The following RAD51B variants were observed in gnomAD, a reference collection of about 807,000 sequenced individuals.
RAD51B encodes DNA repair protein RAD51 homolog 2.
A neutral mutation model predicts 42.2 loss-of-function variants in RAD51B; 38 were observed. The observed-to-expected ratio is 0.90, with a 90% CI of 0.70 to 1.18. The LOEUF (loss-of-function observed/expected upper bound fraction) is 1.18. Ranked by LOEUF, RAD51B falls within the 50% of genes most tolerant of loss-of-function variation. The pLI is 0.00. For missense variants in RAD51B, 373 were observed against 400.7 expected (o/e 0.93, Z 0.59); for synonymous variants, 154 against 145.2 (o/e 1.06, Z -0.43).
chr14:68,448,454 A>G (rs2085474350), intron 9 of RAD51B, among the ~76,000 whole-genome samples: 1 of 152,176 alleles, frequency 6.6e-6, no homozygotes, highest in African/African-American at 2.4e-5. Flanking sequence ...AACCTGGGCC[A>G]TTTAGCTTCT....
chr14:68,560,276 A>T (rs1014082195), intron 10 of RAD51B, among the ~76,000 whole-genome samples: 2 of 152,142 alleles, frequency 1.3e-5, no homozygotes, highest in Non-Finnish European at 2.9e-5. Flanking sequence ...GCGGAAAAAA[A>T]ATTCTTTTTC....
chr14:68,404,079 A>G (rs2084195972), intron 8 of RAD51B, among the ~76,000 whole-genome samples: 1 of 152,252 alleles, frequency 6.6e-6, no homozygotes, highest in Non-Finnish European at 1.5e-5. Context: ...GTGTGAGTAG[A>G]TTAGATTTGC....
At chr14:68,323,941 C>T (rs112158164) in intron 8 of RAD51B, among the ~76,000 whole-genome samples, 6 of 152,262 alleles carry the variant, frequency 3.9e-5, no homozygotes, top group African/African-American at 9.6e-5. Flanking sequence ...AAGAGCCCAG[C>T]GGACCTGTTG....
At chr14:68,087,649 G>A (rs1410501319) in intron 7 of RAD51B, among the ~76,000 whole-genome samples, 1 of 151,186 alleles carries the variant, frequency 6.6e-6, no homozygotes, top group Non-Finnish European at 1.5e-5. Context: ...ATCCTGTGAG[G>A]ATGTTACAGA....
chr14:68,007,990 AT>A (rs969112492), intron 7 of RAD51B, among the ~76,000 whole-genome samples: 13 of 151,698 alleles, frequency 8.6e-5, no homozygotes, highest in African/African-American at 2.2e-4. Flanking sequence ...TAAAAATATG[AT>A]TTTTTTTGTG....
intron 4 of RAD51B, among the ~76,000 whole-genome samples, chr14:67,858,609 G>A (rs1566927580): frequency 1.3e-5 from 2 of 152,228 alleles, no homozygotes; most frequent in African/African-American, 4.8e-5. Context: ...GAAAGGGTAG[G>A]TATACGTAAA....
At chr14:68,545,850 G>C (rs147438993) in intron 10 of RAD51B, among the ~76,000 whole-genome samples, 226 of 152,274 alleles carry the variant, frequency 1.5e-3, no homozygotes, top group African/African-American at 5.3e-3. Context: ...TAAGACTTTT[G>C]CTTGCCAATT....
intron 4 of RAD51B, among the ~76,000 whole-genome samples, chr14:67,846,313 G>A (rs571221857): frequency 3.9e-5 from 6 of 152,282 alleles, no homozygotes; most frequent in East Asian, 1.9e-4. Context: ...GGGGGGTGGC[G>A]TGTGGGTTGC....
At chr14:68,358,003 C>T (rs1048201084) in intron 8 of RAD51B, among the ~76,000 whole-genome samples, 2 of 152,004 alleles carry the variant, frequency 1.3e-5, no homozygotes, top group East Asian at 1.9e-4. Context: ...TCAATGTTGT[C>T]GTGTCTCAGG....
intron 9 of RAD51B, among the ~76,000 whole-genome samples, chr14:68,440,511 A>C (rs1026500194): frequency 1.3e-5 from 2 of 152,106 alleles, no homozygotes; most frequent in African/African-American, 4.8e-5. Flanking sequence ...CTGGGAGGCC[A>C]AGGCAGGTGG....
intron 8 of RAD51B, among the ~76,000 whole-genome samples, chr14:68,358,304 G>A (rs1409517585): frequency 6.6e-6 from 1 of 152,206 alleles, no homozygotes; most frequent in African/African-American, 2.4e-5. Context: ...TGCCACAAAC[G>A]TTCAATTTGT....
At chr14:67,973,635 A>G (rs2074937983) in intron 7 of RAD51B, among the ~76,000 whole-genome samples, 1 of 152,130 alleles carries the variant, frequency 6.6e-6, no homozygotes, top group Non-Finnish European at 1.5e-5. Flanking sequence ...ATTACATCTA[A>G]TTTGTGTTAT....
chr14:67,872,916 T>C (rs2042591732), intron 5 of RAD51B, among the ~76,000 whole-genome samples: 1 of 152,200 alleles, frequency 6.6e-6, no homozygotes, highest in African/African-American at 2.4e-5. Flanking sequence ...ATGCCTTCCT[T>C]ACACCTTATA....
chr14:68,119,551 G>A (rs1488423115), intron 7 of RAD51B, among the ~76,000 whole-genome samples: 2 of 138,296 alleles, frequency 1.4e-5, no homozygotes, highest in Non-Finnish European at 3.0e-5. Flanking sequence ...TCCCACCTAT[G>A]AGTGAGAATA....
intron 10 of RAD51B, among the ~76,000 whole-genome samples, chr14:68,626,920 T>A (rs8007479): frequency 0.21 from 31,245 of 152,086 alleles, 3,781 homozygotes; most frequent in African/African-American, 0.33. Flanking sequence ...CATGCCTTTG[T>A]TGAACCGAGA....
chr14:67,965,263 G>C (rs925708455), intron 7 of RAD51B, among the ~76,000 whole-genome samples: 25 of 152,024 alleles, frequency 1.6e-4, no homozygotes, highest in African/African-American at 6.0e-4. Flanking sequence ...ATGTTCCCTT[G>C]GTCTTCACAA....
chr14:68,594,601 T>G (rs1346591549), exon 11 of RAD51B: 2 of 1,291,648 alleles, frequency 1.5e-6, no homozygotes, highest in East Asian at 4.1e-5. Flanking sequence ...GCTAATTTTT[T>G]AATTTTTTGT....
intron 7 of RAD51B, among the ~76,000 whole-genome samples, chr14:67,993,134 A>G (rs1345728461): frequency 6.6e-6 from 1 of 152,150 alleles, no homozygotes; most frequent in Non-Finnish European, 1.5e-5. Flanking sequence ...AGTACATGAG[A>G]TATTTTGATA....
In RAD51B at chr14:67,959,150, C is replaced by T. The variant is rs2074607688; in HGVS notation, c.756+71946C>T. On this transcript the variant is annotated intron_variant, in intron 7 of 10. Coordinates refer to ENST00000471583, the MANE Select transcript of RAD51B (RefSeq NM_133510.4). ...ATTCTATAACCTATTGAGGTTTATA[C>T]ATATAAAATAATAATCACCTGCTAG... Among the ~76,000 whole-genome samples, 3 of 152,178 alleles carry T rather than the reference C, an allele frequency of 2.0e-5. No individual in the cohort carries two copies. The South Asian group carries it at 6.2e-4, about 32-fold the overall frequency.
Sources: gnomAD v4.1 joint callset for allele counts (sites outside exome capture counted in the v4.1 genomes callset) on GRCh38, gnomAD v4.1.1 for gene constraint, MANE v1.5 for transcripts, NCBI Gene and HGNC (gene_info 2026-07-23, HGNC 2026-07-21) for gene names.